The following MRPL13 variants were observed in gnomAD, a reference collection of about 807,000 sequenced individuals.
The protein encoded by MRPL13 is mitochondrial ribosomal protein L13.
A neutral mutation model predicts 29.0 loss-of-function variants in MRPL13; 33 were observed. That is an observed-to-expected ratio of 1.14 (90% CI 0.86 to 1.52). MRPL13 has a LOEUF of 1.52. Ranked by LOEUF, MRPL13 falls within the 40% of genes most tolerant of loss-of-function variation. The pLI, the probability that MRPL13 is intolerant of heterozygous loss-of-function variation, is 0.00. For synonymous variants in MRPL13, 77 were observed against 68.4 expected, an observed-to-expected ratio of 1.13 and a Z score of -0.62; for missense variants, 227 against 216.7, an observed-to-expected ratio of 1.05 and a Z score of -0.30.
intron 6 of MRPL13, among the ~76,000 whole-genome samples, chr8:120,404,305 C>T (rs975467948): frequency 6.6e-6 from 1 of 152,146 alleles, no homozygotes; most frequent in Non-Finnish European, 1.5e-5. Context: ...CCAGTTGTTT[C>T]CACACAAAAG....
chr8:120,404,868 A>G (rs1812646644), intron 6 of MRPL13, among the ~76,000 whole-genome samples: 1 of 152,040 alleles, frequency 6.6e-6, no homozygotes, highest in Admixed American at 6.6e-5. Context: ...ATTTTATTCT[A>G]TATGATGCCT....
In MRPL13 at chr8:120,406,664, T is replaced by C. The variant is rs541245293; in HGVS notation, c.515+7327A>G. Reference sequence around the variant, plus strand: ...TATATAGTATACTTATATATAAAAATATATGAAACACACACAAGCTTTGAT... The same window carrying C: ...TATATAGTATACTTATATATAAAAACATATGAAACACACACAAGCTTTGAT... On this transcript the variant is annotated intron_variant, in intron 6 of 6. Coordinates refer to ENST00000306185, the MANE Select transcript of MRPL13 (RefSeq NM_014078.6). 8.6e-5 allele frequency among the ~76,000 whole-genome samples: 13 copies of C among 151,162 alleles called. No individual in the cohort carries two copies. In the East Asian group the frequency reaches 1.9e-3, roughly 23 times the overall value.
Position 120,417,036 on chromosome 8 carries a change from G to A in MRPL13, c.393+2816C>T, listed in dbSNP as rs1022511617. ...CTCTGTAGTCTAGTCTCCTTTTATC[G>A]TAAGTTTCCTTGCCTTTTCTTTAAT... On this transcript the variant is annotated intron_variant, in intron 5 of 6. Coordinates refer to ENST00000306185, the MANE Select transcript of MRPL13 (RefSeq NM_014078.6). Among the ~76,000 whole-genome samples, 9 of 152,208 alleles carry A rather than the reference G, an allele frequency of 5.9e-5. No homozygotes were observed. In the South Asian group the frequency reaches 1.2e-3, roughly 21 times the overall value.
At chr8:120,410,526 T>C (rs2130458580) in intron 6 of MRPL13, among the ~76,000 whole-genome samples, 1 of 152,366 alleles carries the variant, frequency 6.6e-6, no homozygotes. Flanking sequence ...AATAGAACTT[T>C]ATAAAATGGC....
intron 5 of MRPL13, among the ~76,000 whole-genome samples, chr8:120,416,612 T>C (rs1446501034): frequency 1.3e-5 from 2 of 152,170 alleles, no homozygotes; most frequent in Admixed American, 1.3e-4. Flanking sequence ...AAGTGATCAC[T>C]TTTTTTGCAA....
At chr8:120,400,478 T>C (rs1812578263) in intron 6 of MRPL13, among the ~76,000 whole-genome samples, 1 of 151,946 alleles carries the variant, frequency 6.6e-6, no homozygotes, top group Non-Finnish European at 1.5e-5. Flanking sequence ...GCTAAAGCAG[T>C]GTTAAGAGGG....
In MRPL13 at chr8:120,430,548, C is replaced by T. The variant is rs190163444; in HGVS notation, c.245+1482G>A. On this transcript the variant is annotated intron_variant, in intron 3 of 6. Coordinates refer to ENST00000306185, the MANE Select transcript of MRPL13 (RefSeq NM_014078.6). The stretch of plus-strand genomic sequence containing the variant: ...AACAAAAAGCAATCAACTCTTTGAG[C>T]GATGAGGAAATAGCAAAGGTATCCC... Among the ~76,000 whole-genome samples, 43 of 152,186 alleles carry T rather than the reference C, an allele frequency of 2.8e-4. No individual in the cohort carries two copies. The South Asian group carries it at 5.4e-3, about 19-fold the overall frequency.
chr8:120,406,325 T>C (rs972916590), intron 6 of MRPL13, among the ~76,000 whole-genome samples: 5 of 152,230 alleles, frequency 3.3e-5, no homozygotes, highest in African/African-American at 1.2e-4. Context: ...ATTTTAGTTA[T>C]AGTTAGACAA....
intron 6 of MRPL13, among the ~76,000 whole-genome samples, chr8:120,410,712 T>C (rs1381995472): frequency 6.6e-6 from 1 of 152,156 alleles, no homozygotes; most frequent in Middle Eastern, 3.4e-3. Flanking sequence ...ACGTCAACAG[T>C]AGCTAATGTA....
chr8:120,421,038 C>G (rs544931803), intron 4 of MRPL13, among the ~76,000 whole-genome samples: 21 of 151,696 alleles, frequency 1.4e-4, no homozygotes, highest in Admixed American at 2.0e-4. Context: ...AAAAGTAATT[C>G]TAGCTGTACA....
chr8:120,427,899 T>C (rs1422831507), intron 3 of MRPL13, among the ~76,000 whole-genome samples: 1 of 152,048 alleles, frequency 6.6e-6, no homozygotes, highest in Non-Finnish European at 1.5e-5. Context: ...ATTGTTAAAA[T>C]GGCCATACTG....
intron 6 of MRPL13, among the ~76,000 whole-genome samples, chr8:120,402,439 G>T (rs1272572612): frequency 6.6e-6 from 1 of 152,130 alleles, no homozygotes; most frequent in Non-Finnish European, 1.5e-5. Context: ...GGGAAAACTG[G>T]CTAGCCATAT....
chr8:120,429,582 C>A (rs1457446008), intron 3 of MRPL13, among the ~76,000 whole-genome samples: 2 of 150,848 alleles, frequency 1.3e-5, no homozygotes, highest in African/African-American at 4.9e-5. Flanking sequence ...AAAAACAGAA[C>A]AATGATCAAG....
intron 1 of MRPL13, among the ~76,000 whole-genome samples, chr8:120,444,588 A>G (rs1326734505): frequency 6.6e-6 from 1 of 152,102 alleles, no homozygotes. Context: ...GGATTACTGT[A>G]ACACCCTCCA....
At chr8:120,403,721 C>A (rs1221761667) in intron 6 of MRPL13, among the ~76,000 whole-genome samples, 1 of 152,082 alleles carries the variant, frequency 6.6e-6, no homozygotes, top group Non-Finnish European at 1.5e-5. Context: ...ACTTTGTTTG[C>A]CCAAAAACAA....
At chr8:120,444,643 C>G (rs560059872) in intron 1 of MRPL13, among the ~76,000 whole-genome samples, 19 of 152,280 alleles carry the variant, frequency 1.2e-4, no homozygotes, top group African/African-American at 4.6e-4. Context: ...TATTTCTGAA[C>G]AGTCTATTCT....
chr8:120,403,516 A>G (rs1191814551), intron 6 of MRPL13, among the ~76,000 whole-genome samples: 1 of 152,130 alleles, frequency 6.6e-6, no homozygotes, highest in Non-Finnish European at 1.5e-5. Flanking sequence ...GGAGACCGTC[A>G]GGAAGAATAG....
intron 6 of MRPL13, among the ~76,000 whole-genome samples, chr8:120,397,883 A>G (rs982552634): frequency 6.6e-6 from 1 of 152,096 alleles, no homozygotes; most frequent in Non-Finnish European, 1.5e-5. Context: ...CTTTTTCTTT[A>G]AGTGGGACCC....
chr8:120,396,189 G>A (rs1812522424), intron 6 of MRPL13, 64 bp from the exon 7 acceptor site: 2 of 1,227,656 alleles, frequency 1.6e-6, no homozygotes, highest in East Asian at 2.5e-5. Context: ...GACTGATGAG[G>A]ATTATTTTTC....
Sources: allele counts gnomAD v4.1 joint callset (sites outside exome capture counted in the v4.1 genomes callset), GRCh38; gene constraint gnomAD v4.1.1; transcripts MANE v1.5; gene names NCBI Gene and HGNC (gene_info 2026-07-23, HGNC 2026-07-21).